The following CIITA variants were observed in gnomAD, a reference collection of about 807,000 sequenced individuals.
CIITA encodes class II major histocompatibility complex transactivator, also known as MHC class II transactivator.
CIITA carries 72 observed loss-of-function variants against 115.1 expected under a neutral mutation model. That is an observed-to-expected ratio of 0.63 (90% CI 0.52 to 0.76). CIITA has a LOEUF of 0.76. CIITA is among the 30% of genes least tolerant of loss of function. The probability of loss-of-function intolerance (pLI) is 0.00; values close to 1 mark genes in which losing one functional copy is unlikely to be tolerated. For missense variants in CIITA, 1,617 were observed against 1,463.8 expected (o/e 1.10, Z -1.71); for synonymous variants, 763 against 635.6 (o/e 1.20, Z -3.02).
upstream of CIITA, among the ~76,000 whole-genome samples, chr16:10,873,227 G>A (rs77768754): frequency 0.035 from 5,261 of 152,232 alleles, 99 homozygotes; most frequent in Middle Eastern, 0.051. Flanking sequence ...ACCTGCCTTA[G>A]CCTCCCAAAG....
Position 10,921,902 on chromosome 16 carries a change from G to C in CIITA, c.3150-265G>C, listed in dbSNP as rs1201707154. Among the ~76,000 whole-genome samples, 6 of 152,322 alleles carry C rather than the reference G, an allele frequency of 3.9e-5. No individual in the cohort carries two copies. The East Asian group carries it at 9.6e-4, about 24-fold the overall frequency. On this transcript the variant is annotated intron_variant, in intron 16 of 19. Coordinates refer to ENST00000324288, the MANE Select transcript of CIITA (RefSeq NM_000246.4). ...GCAATCACCACAGCCCTGAACAAGA[G>C]AACTAGTGGGACCTGGGGACAGAAA... is the stretch of plus-strand genomic sequence containing the variant.
At position 10,879,207 on chromosome 16, in the gene CIITA, AACG is replaced by A. The variant is rs1179261287; in HGVS notation, c.52+1828_52+1830del. Among the ~76,000 whole-genome samples, 1 of 152,150 alleles carries A rather than the reference AACG, an allele frequency of 6.6e-6. No homozygotes were observed. The highest frequency in any genetic ancestry group is 1.5e-5 in the Non-Finnish European group (1 of 68,024). ...AACACCTCGTTTCCAGCATCCCCGCAACGACTCTGCGCGGGAACCAGGAGCCGG... is the reference window on the plus strand; with the variant it reads ...AACACCTCGTTTCCAGCATCCCCGCAACTCTGCGCGGGAACCAGGAGCCGG... On this transcript the variant is annotated intron_variant, in intron 1 of 19. Coordinates refer to ENST00000324288, the MANE Select transcript of CIITA (RefSeq NM_000246.4). The surrounding 1 kb of genome is among the most constrained non-coding windows in gnomAD (Gnocchi z 4.3).
intron 5 of CIITA, 105 bp downstream of exon 5, chr16:10,899,107 G>T (rs1447719017): frequency 6.4e-6 from 7 of 1,100,800 alleles, no homozygotes; most frequent in African/African-American, 3.1e-5. Flanking sequence ...GCTAAGTCCT[G>T]TCTGGTTGGG....
intron 1 of CIITA, among the ~76,000 whole-genome samples, chr16:10,888,084 C>A (rs903733222): frequency 2.6e-5 from 4 of 152,178 alleles, no homozygotes; most frequent in Admixed American, 6.5e-5. Flanking sequence ...GTCACTCTCA[C>A]AGAGGTAAGA....
rs1475918267 is a variant in CIITA at position 10,920,452 on chromosome 16, G to A, written c.3150-1715G>A. 6.6e-6 allele frequency among the ~76,000 whole-genome samples: 1 copy of A among 152,128 alleles called. No homozygotes were observed. Among genetic ancestry groups the A allele is most frequent in the Non-Finnish European group, 1.5e-5 (1 of 68,026 alleles). ...AGTAGAGACAGGGCTTCGCCATGTG[G>A]CCCAGACTGGTCTTGAAATCCTGGG... is the stretch of plus-strand genomic sequence containing the variant. On this transcript the variant is annotated intron_variant, in intron 16 of 19. Transcript: ENST00000324288. The surrounding 1 kb of genome is among the most constrained non-coding windows in gnomAD (Gnocchi z 4.5).
At position 10,906,948 on chromosome 16, in the gene CIITA, C is replaced by A; in HGVS notation, c.1456C>A (p.His486Asn). ...CGTGGCGGCCGATGAGGTTTTCAGC[C>A]ACATCTTGAAGAGACCTGACCGCGT... ...PLVAADEVFS[H>N]ILKRPDRVLL... The change falls in exon 11 of 20, where the codon CAC (histidine) becomes AAC (asparagine). Residue 486 changes from histidine to asparagine, a missense_variant. Coordinates refer to ENST00000324288, the MANE Select transcript of CIITA (RefSeq NM_000246.4). 6.2e-7 allele frequency: 1 copy of A among 1,613,212 alleles called. No homozygotes were observed. Among genetic ancestry groups the A allele is most frequent in the Non-Finnish European group, 8.5e-7 (1 of 1,180,016 alleles).
chr16:10,880,216 G>T (rs2036280688), intron 1 of CIITA, among the ~76,000 whole-genome samples: 1 of 152,054 alleles, frequency 6.6e-6, no homozygotes, highest in Non-Finnish European at 1.5e-5. Flanking sequence ...GGAATCCCAG[G>T]CTCCCCACAC....
At chr16:10,903,592 A>T (rs2038934856) in intron 8 of CIITA, 139 bp from the exon 9 acceptor site, 5 of 925,134 alleles carry the variant, frequency 5.4e-6, no homozygotes, top group Non-Finnish European at 3.5e-6. Context: ...CTGTCCTGAA[A>T]TATCTTCCTT....
Position 10,930,223 on chromosome 16 carries a change from C to T in CIITA, c.*6368C>T. ...CCTGCTCTGATTCCAAGCCTCATCT[C>T]CCAGCTCACTATCCTTTCCGCAAAC... On this transcript the variant is annotated 3_prime_UTR_variant, in exon 20 of 20. Coordinates refer to ENST00000324288, the MANE Select transcript of CIITA (RefSeq NM_000246.4). The T allele has an allele frequency of 6.6e-6, 1 of 152,362 alleles. No individual in the cohort carries two copies. Among genetic ancestry groups the T allele is most frequent in the East Asian group, 1.9e-4 (1 of 5,202 alleles). The allele number at this position is 152,362 out of a possible 1,614,324, so 9.4% of individuals were successfully genotyped here. A position where few individuals can be genotyped will look rare whatever the true frequency, so the allele number is the denominator to read the frequency against.
rs1214602762 is a variant in CIITA, at chr16:10,942,735, C to G, written n.1861C>G. Reference sequence around the variant, plus strand: ...AAACCTAGACATAATGCTAAGGCCGCAAAAGCCGAAGGAAACCCGGGCTAC... The same window carrying G: ...AAACCTAGACATAATGCTAAGGCCGGAAAAGCCGAAGGAAACCCGGGCTAC... On this transcript the variant is annotated non_coding_transcript_exon_variant, in exon 2 of 2. Transcript: ENST00000573379. This position sits in a 1 kb window ranked among gnomAD's most constrained non-coding sequence, Gnocchi z 5.0. 6.6e-6 allele frequency: 1 copy of G among 152,278 alleles called. No individual in the cohort carries two copies. Among genetic ancestry groups the G allele is most frequent in the Non-Finnish European group, 1.5e-5 (1 of 68,060 alleles). The allele number at this position is 152,278 out of a possible 1,614,324, so 9.4% of individuals were successfully genotyped here.
chr16:10,905,460 T>A (rs1220152844), intron 10 of CIITA, among the ~76,000 whole-genome samples: 1 of 151,980 alleles, frequency 6.6e-6, no homozygotes, highest in Non-Finnish European at 1.5e-5. Context: ...AGTGAGTAAA[T>A]GAAGGAATGA....
rs533137724 is a variant in CIITA, at chr16:10,898,906, C to G, written c.359-19C>G. ...TTTCATTGATTGTGTGAGTTGGTCT[C>G]TGGTTTTTCTCAAAGTAGAGCACAT... On this transcript the variant is annotated intron_variant, in intron 4 of 19. Coordinates refer to ENST00000324288, the MANE Select transcript of CIITA (RefSeq NM_000246.4). 1 of 1,613,610 alleles carries G rather than the reference C, an allele frequency of 6.2e-7. No homozygotes were observed. Among genetic ancestry groups the G allele is most frequent in the African/African-American group, 1.3e-5 (1 of 74,796 alleles).
chr16:10,910,154 G>C, intron 12 of CIITA, 34 bp from the exon 13 acceptor site: 1 of 1,589,802 alleles, frequency 6.3e-7, no homozygotes, highest in East Asian at 2.2e-5. Context: ...TGACAGCAGT[G>C]CCTGCTCCCC....
Position 10,907,043 on chromosome 16 carries a change from G to A in CIITA, c.1551G>A (p.Pro517=), listed in dbSNP as rs370785250. The A allele has an allele frequency of 1.0e-5, 16 of 1,607,226 alleles. No homozygotes were observed. The highest frequency in any genetic ancestry group is 2.2e-5 in the South Asian group (2 of 91,062). The change falls in exon 11 of 20, where the codon CCG becomes CCA. Residue 517 remains proline, a synonymous_variant. Coordinates refer to ENST00000324288, the MANE Select transcript of CIITA (RefSeq NM_000246.4). This position sits in a 1 kb window ranked among gnomAD's most constrained non-coding sequence, Gnocchi z 5.0. ...GCTTCCTGCACAGCACGTGCGGACC[G>A]GCACCGGCGGAGCCCTGCTCCCTCC... ...QDGFLHSTCG[P]APAEPCSLRG...
intron 1 of CIITA, among the ~76,000 whole-genome samples, chr16:10,869,204 A>G (rs1567345205): frequency 6.6e-6 from 1 of 152,102 alleles, no homozygotes. Context: ...AATCTGGACA[A>G]TGGCCCACAA....
intron 15 of CIITA, among the ~76,000 whole-genome samples, chr16:10,918,223 A>C (rs929334031): frequency 1.3e-5 from 2 of 152,248 alleles, no homozygotes; most frequent in African/African-American, 4.8e-5. Context: ...GTCATGGGAC[A>C]GGTGGGGGCA....
chr16:10,887,514 G>A (rs1425094395), intron 1 of CIITA, among the ~76,000 whole-genome samples: 2 of 145,800 alleles, frequency 1.4e-5, no homozygotes, highest in African/African-American at 5.1e-5. Flanking sequence ...TTTTTTGTCT[G>A]AGACAGAGTC....
intron 3 of CIITA, among the ~76,000 whole-genome samples, chr16:10,896,706 C>A (rs144585917): frequency 7.4e-4 from 112 of 152,328 alleles, no homozygotes; most frequent in African/African-American, 2.5e-3. Context: ...GGCTTGGGCA[C>A]CTGTGTGCAG....
Position 10,901,755 on chromosome 16 carries a change from G to A in CIITA, c.481+197G>A, listed in dbSNP as rs1421748850. On this transcript the variant is annotated intron_variant, in intron 6 of 19. Transcript: ENST00000324288. This position sits in a 1 kb window ranked among gnomAD's most constrained non-coding sequence, Gnocchi z 6.8. The stretch of plus-strand genomic sequence containing the variant: ...CGACTGTTTGTGGAAGGTGGTAGGG[G>A]CTTGGAGCTAACAGATTGTTCATAG... 5.9e-6 allele frequency: 4 copies of A among 677,010 alleles called. No homozygotes were observed. The highest frequency in any genetic ancestry group is 3.6e-5 in the South Asian group (2 of 55,184). The allele number at this position is 677,010 out of a possible 1,614,324, so 41.9% of individuals were successfully genotyped here. A position where few individuals can be genotyped will look rare whatever the true frequency, so the allele number is the denominator to read the frequency against.
Sources: gnomAD v4.1 joint callset for allele counts (sites outside exome capture counted in the v4.1 genomes callset) on GRCh38, gnomAD v4.1.1 for gene constraint, Gnocchi (gnomAD v3.1) non-coding constraint, MANE v1.5 for transcripts, NCBI Gene and HGNC (gene_info 2026-07-23, HGNC 2026-07-21) for gene names.